Variants in AGMO observed in about 807,000 individuals in gnomAD.
AGMO encodes the protein alkylglycerol monooxygenase, also known as glyceryl-ether monooxygenase.
AGMO carries 75 observed loss-of-function variants against 60.2 expected under a neutral mutation model. That is an observed-to-expected ratio of 1.25 (90% CI 1.03 to 1.51). AGMO has a LOEUF of 1.51. AGMO is among the 40% of genes most tolerant of loss of function. The pLI is 0.00. For missense variants in AGMO, 763 were observed against 525.5 expected, an observed-to-expected ratio of 1.45 and a Z score of -4.42; for synonymous variants, 261 against 177.1, an observed-to-expected ratio of 1.47 and a Z score of -3.76.
At chr7:15,535,078 C>T (rs1039076429) in intron 3 of AGMO, among the ~76,000 whole-genome samples, 9 of 151,774 alleles carry the variant, frequency 5.9e-5, no homozygotes, top group African/African-American at 2.2e-4. Context: ...TAAGGAAACA[C>T]AAAGAAGTGG....
At chr7:15,217,430 A>C (rs971078827) in intron 12 of AGMO, among the ~76,000 whole-genome samples, 1 of 152,106 alleles carries the variant, frequency 6.6e-6, no homozygotes, top group African/African-American at 2.4e-5. Context: ...GAGAGACTTT[A>C]ATATGTGCAA....
intron 12 of AGMO, among the ~76,000 whole-genome samples, chr7:15,346,900 A>T (rs752468096): frequency 6.6e-6 from 1 of 151,438 alleles, no homozygotes; most frequent in African/African-American, 2.4e-5. Context: ...ATGTATATTT[A>T]TTTCTCATTC....
intron 12 of AGMO, among the ~76,000 whole-genome samples, chr7:15,334,288 AGT>A (rs146022315): frequency 0.032 from 4,799 of 149,436 alleles, 283 homozygotes; most frequent in African/African-American, 0.11. Context: ...TTATCAAAAA[AGT>A]GTTATTTATA....
At chr7:15,207,302 T>C (rs1781463810) in intron 12 of AGMO, among the ~76,000 whole-genome samples, 1 of 152,220 alleles carries the variant, frequency 6.6e-6, no homozygotes, top group Non-Finnish European at 1.5e-5. Context: ...GCTACCTTTC[T>C]CAAAAACATC....
At chr7:15,192,386 G>A in the AGMO span, among the ~76,000 whole-genome samples, 6 of 152,002 alleles carry the variant, frequency 3.9e-5, no homozygotes, top group African/African-American at 1.2e-4. Context: ...ACACTGAGAG[G>A]AGTTCGGCTG....
chr7:15,178,746 G>A, the AGMO span, among the ~76,000 whole-genome samples: 4 of 152,110 alleles, frequency 2.6e-5, no homozygotes. Context: ...TTCTTCTAGG[G>A]TATTGTTTTA....
At chr7:15,419,423 T>A (rs1307550487) in intron 4 of AGMO, among the ~76,000 whole-genome samples, 1 of 151,966 alleles carries the variant, frequency 6.6e-6, no homozygotes, top group Non-Finnish European at 1.5e-5. Context: ...AATAACCAAA[T>A]GAGAATAAAA....
At chr7:15,535,207 G>A (rs1211363449) in intron 3 of AGMO, among the ~76,000 whole-genome samples, 3 of 151,716 alleles carry the variant, frequency 2.0e-5, no homozygotes, top group African/African-American at 7.3e-5. Context: ...TCTCGGGGAT[G>A]GATTTAGATG....
chr7:15,345,416 C>A (rs1194485549), intron 12 of AGMO, among the ~76,000 whole-genome samples: 1 of 152,182 alleles, frequency 6.6e-6, no homozygotes, highest in East Asian at 1.9e-4. Flanking sequence ...GGTGAACTCA[C>A]ACTCAAGATA....
At chr7:15,235,342 G>A (rs987220591) in intron 12 of AGMO, among the ~76,000 whole-genome samples, 1 of 152,062 alleles carries the variant, frequency 6.6e-6, no homozygotes, top group African/African-American at 2.4e-5. Flanking sequence ...AAAATTTTGA[G>A]AGAATGGCGA....
chr7:15,338,309 C>T (rs553454068), intron 12 of AGMO, among the ~76,000 whole-genome samples: 4 of 152,250 alleles, frequency 2.6e-5, no homozygotes, highest in African/African-American at 9.6e-5. Context: ...AATTTTTACA[C>T]ATTCATCTGA....
Position 15,491,418 on chromosome 7 carries a change from G to C in AGMO, c.409+53354C>G, listed in dbSNP as rs566562448. On this transcript the variant is annotated intron_variant, in intron 3 of 12. Coordinates refer to ENST00000342526, the MANE Select transcript of AGMO (RefSeq NM_001004320.2). ...TATTTATTCTAGTTGCCCTCCATTA[G>C]TTGAGATTGGAAATAAGTAAGTACA... 1.1e-3 allele frequency among the ~76,000 whole-genome samples: 168 copies of C among 152,216 alleles called. 1 individual carries two copies. Among genetic ancestry groups the C allele is most frequent in the Non-Finnish European group, 2.1e-3 (143 of 68,010 alleles).
At chr7:15,334,425 C>A (rs1177151083) in intron 12 of AGMO, among the ~76,000 whole-genome samples, 1 of 151,802 alleles carries the variant, frequency 6.6e-6, no homozygotes, top group East Asian at 1.9e-4. Context: ...TTCTATTCTC[C>A]TTCTGTGATA....
At chr7:15,431,254 T>G in intron 3 of AGMO, 146 bp from the exon 4 acceptor site, 1 of 609,564 alleles carries the variant, frequency 1.6e-6, no homozygotes, top group East Asian at 2.9e-5. Flanking sequence ...AATTAAAATA[T>G]GCTGCCTGAA....
chr7:15,362,251 A>G (rs1455818592), intron 12 of AGMO, among the ~76,000 whole-genome samples: 2 of 152,188 alleles, frequency 1.3e-5, no homozygotes, highest in East Asian at 1.9e-4. Context: ...AATTAATAAT[A>G]TAAGAATTGG....
intron 6 of AGMO, among the ~76,000 whole-genome samples, chr7:15,392,807 C>G (rs28421921): frequency 1.5e-5 from 1 of 64,694 alleles, no homozygotes; most frequent in Non-Finnish European, 3.4e-5. Context: ...TCAAAACAAA[C>G]AAACAAACAA....
chr7:15,380,514 A>T (rs1413877128), intron 10 of AGMO, among the ~76,000 whole-genome samples: 1 of 152,146 alleles, frequency 6.6e-6, no homozygotes, highest in Non-Finnish European at 1.5e-5. Flanking sequence ...TCGGATATTG[A>T]CACAAACAAC....
intron 12 of AGMO, among the ~76,000 whole-genome samples, chr7:15,360,592 G>A (rs1782711334): frequency 6.6e-6 from 1 of 152,238 alleles, no homozygotes; most frequent in Admixed American, 6.5e-5. Context: ...GGAGGAGGAG[G>A]AAGAGGTGGG....
intron 12 of AGMO, among the ~76,000 whole-genome samples, chr7:15,359,773 G>T (rs564525703): frequency 5.8e-4 from 89 of 152,142 alleles, no homozygotes; most frequent in African/African-American, 1.9e-3. Context: ...TATGTTACAT[G>T]GTCACTGCAA....
Sources: gnomAD v4.1 joint callset for allele counts (sites outside exome capture counted in the v4.1 genomes callset) on GRCh38, gnomAD v4.1.1 for gene constraint, MANE v1.5 for transcripts, NCBI Gene and HGNC (gene_info 2026-07-23, HGNC 2026-07-21) for gene names.